Variants in RBFOX1 observed in about 807,000 individuals in gnomAD.
The protein encoded by RBFOX1 is RNA binding protein fox-1 homolog 1.
RBFOX1 carries 8 observed loss-of-function variants against 57.7 expected under a neutral mutation model. That is an observed-to-expected ratio of 0.14 (90% confidence interval 0.08 to 0.25). The LOEUF (loss-of-function observed/expected upper bound fraction) is 0.25. Among genes scored for constraint, RBFOX1 ranks in the 10% least tolerant of loss-of-function variants. The pLI is 1.00. For missense variants in RBFOX1, 611 were observed against 548.5 expected (o/e 1.11, Z -1.14); for synonymous variants, 326 against 222.4 (o/e 1.47, Z -4.15).
At chr16:7,121,256 T>G (rs1270852072) in intron 4 of RBFOX1, among the ~76,000 whole-genome samples, 1 of 152,056 alleles carries the variant, frequency 6.6e-6, no homozygotes, top group Non-Finnish European at 1.5e-5. Flanking sequence ...ACTGGAAATC[T>G]TACTCACTAC....
At chr16:5,588,807 T>C (rs576467543) in intron 2 of RBFOX1, among the ~76,000 whole-genome samples, 1 of 152,274 alleles carries the variant, frequency 6.6e-6, no homozygotes, top group East Asian at 1.9e-4. Context: ...ACAAAAGTGA[T>C]CTGAGTTCAG....
At chr16:7,391,325 C>T (rs1165492938) in intron 4 of RBFOX1, among the ~76,000 whole-genome samples, 1 of 152,146 alleles carries the variant, frequency 6.6e-6, no homozygotes, top group East Asian at 1.9e-4. Context: ...GAAGGGCCCT[C>T]ATGGAGGTAG....
intron 3 of RBFOX1, among the ~76,000 whole-genome samples, chr16:5,743,172 T>C (rs1033337400): frequency 2.0e-5 from 3 of 152,176 alleles, no homozygotes; most frequent in African/African-American, 7.2e-5. Flanking sequence ...GGGTTACAGG[T>C]ACATTTTCTA....
intron 3 of RBFOX1, among the ~76,000 whole-genome samples, chr16:5,804,714 C>G (rs2055171636): frequency 1.3e-5 from 2 of 152,132 alleles, no homozygotes; most frequent in South Asian, 2.1e-4. Flanking sequence ...CAAGTTGGTC[C>G]TGGACACCAG....
intron 4 of RBFOX1, among the ~76,000 whole-genome samples, chr16:5,912,994 C>G (rs2058635064): frequency 1.3e-5 from 2 of 152,148 alleles, no homozygotes; most frequent in Admixed American, 6.5e-5. Context: ...GATAAAAGTT[C>G]TCTTCTTAGG....
At chr16:6,816,448 C>T (rs1180125336) in intron 3 of RBFOX1, among the ~76,000 whole-genome samples, 3 of 140,338 alleles carry the variant, frequency 2.1e-5, no homozygotes, top group African/African-American at 2.7e-5. Context: ...TTTAAAGAAA[C>T]AGGGTCTTGT....
chr16:6,463,687 T>C (rs2094972239), intron 2 of RBFOX1, among the ~76,000 whole-genome samples: 1 of 152,158 alleles, frequency 6.6e-6, no homozygotes, highest in African/African-American at 2.4e-5. Context: ...GTCATTTAGC[T>C]CTCTTACAGC....
intron 1 of RBFOX1, among the ~76,000 whole-genome samples, chr16:5,279,882 A>G (rs1319877532): frequency 6.6e-6 from 1 of 152,176 alleles, no homozygotes; most frequent in Admixed American, 6.5e-5. Context: ...TCATCTGCAA[A>G]GTGAGCCAAT....
intron 5 of RBFOX1, among the ~76,000 whole-genome samples, chr16:7,546,658 T>C (rs1021814691): frequency 1.3e-5 from 2 of 152,204 alleles, no homozygotes; most frequent in Non-Finnish European, 2.9e-5. Flanking sequence ...TAACTTAAAA[T>C]ACCATACATA....
intron 4 of RBFOX1, among the ~76,000 whole-genome samples, chr16:7,380,954 A>T (rs557041136): frequency 6.6e-6 from 1 of 152,326 alleles, no homozygotes; most frequent in South Asian, 2.1e-4. Flanking sequence ...CAGTATTTTG[A>T]ATCTCCAGAG....
chr16:7,053,915 T>C (rs1834930502), intron 4 of RBFOX1, among the ~76,000 whole-genome samples: 1 of 152,128 alleles, frequency 6.6e-6, no homozygotes, highest in African/African-American at 2.4e-5. Flanking sequence ...TTTGATTGGA[T>C]AGAGCACACA....
At chr16:5,595,555 C>A (rs1240874014) in intron 2 of RBFOX1, among the ~76,000 whole-genome samples, 1 of 152,162 alleles carries the variant, frequency 6.6e-6, no homozygotes, top group Non-Finnish European at 1.5e-5. Context: ...GGTTGCAGAT[C>A]AGATCTTCTC....
chr16:6,597,746 A>C (rs1209636834), intron 2 of RBFOX1, among the ~76,000 whole-genome samples: 1 of 152,200 alleles, frequency 6.6e-6, no homozygotes, highest in East Asian at 1.9e-4. Context: ...TCCACAGGAA[A>C]GGTAGCCAGG....
chr16:5,498,493 G>T (rs1222339570), intron 2 of RBFOX1, among the ~76,000 whole-genome samples: 2 of 152,110 alleles, frequency 1.3e-5, no homozygotes, highest in Non-Finnish European at 2.9e-5. Flanking sequence ...TTTTTGTTCA[G>T]TTTCTTTGAT....
chr16:6,787,645 C>T (rs535358081), intron 3 of RBFOX1, among the ~76,000 whole-genome samples: 15 of 152,126 alleles, frequency 9.9e-5, no homozygotes, highest in Admixed American at 7.9e-4. Flanking sequence ...TTTGAAGACA[C>T]GTTATTACAA....
At chr16:6,966,549 G>A (rs912857774) in intron 3 of RBFOX1, among the ~76,000 whole-genome samples, 1 of 152,046 alleles carries the variant, frequency 6.6e-6, no homozygotes, top group African/African-American at 2.4e-5. Context: ...ATCGAGTTAT[G>A]CAATGTCTTT....
chr16:7,464,725 C>G (rs1033326742), intron 4 of RBFOX1, among the ~76,000 whole-genome samples: 12 of 100,074 alleles, frequency 1.2e-4, no homozygotes, highest in Non-Finnish European at 2.1e-4. Flanking sequence ...GAGACAGAGT[C>G]TTGCTCTGTC....
intron 3 of RBFOX1, among the ~76,000 whole-genome samples, chr16:6,843,886 C>T (rs2093623792): frequency 6.6e-6 from 1 of 152,096 alleles, no homozygotes; most frequent in Admixed American, 6.6e-5. Flanking sequence ...CCTGGATTGT[C>T]CTTCAGTATC....
chr16:6,791,000 G>T (rs969034855), intron 3 of RBFOX1, among the ~76,000 whole-genome samples: 1 of 151,938 alleles, frequency 6.6e-6, no homozygotes, highest in Non-Finnish European at 1.5e-5. Flanking sequence ...CTGGCTCTCA[G>T]GTTCAGGTAA....
Sources: allele counts gnomAD v4.1 joint callset (sites outside exome capture counted in the v4.1 genomes callset), GRCh38; gene constraint gnomAD v4.1.1; transcripts MANE v1.5; gene names NCBI Gene and HGNC (gene_info 2026-07-23, HGNC 2026-07-21).